The following ERC2 variants were observed in gnomAD, a reference collection of about 807,000 sequenced individuals.
The protein encoded by ERC2 is ERC protein 2.
ERC2 carries 42 observed loss-of-function variants against 114.8 expected under a neutral mutation model. The ratio of observed to expected loss-of-function variants is 0.37; its 90% confidence interval spans 0.29 to 0.47. ERC2 has a LOEUF of 0.47. ERC2 is among the 20% of genes least tolerant of loss of function. The pLI is 0.99. For synonymous variants in ERC2, 454 were observed against 425.5 expected (o/e 1.07, Z -0.82); for missense variants, 939 against 1,150.7 (o/e 0.82, Z 2.66).
chr3:56,359,054 A>G (rs1401185338), intron 2 of ERC2, among the ~76,000 whole-genome samples: 2 of 152,228 alleles, frequency 1.3e-5, no homozygotes, highest in Non-Finnish European at 2.9e-5. Flanking sequence ...ACAGAAATGT[A>G]TTTTAACATG....
intron 14 of ERC2, among the ~76,000 whole-genome samples, chr3:55,755,607 A>G (rs1026906307): frequency 2.0e-5 from 3 of 152,142 alleles, no homozygotes; most frequent in Non-Finnish European, 4.4e-5. Context: ...TTTATACTTC[A>G]GTTCTCAGGT....
chr3:55,576,081 TG>T (rs1253822927), intron 17 of ERC2, among the ~76,000 whole-genome samples: 2 of 151,996 alleles, frequency 1.3e-5, no homozygotes, highest in African/African-American at 4.8e-5. Context: ...GAGGCCGAGG[TG>T]GGTGGATCAC....
intron 2 of ERC2, among the ~76,000 whole-genome samples, chr3:56,335,558 A>G (rs955765413): frequency 5.9e-5 from 9 of 152,204 alleles, no homozygotes; most frequent in African/African-American, 2.2e-4. Context: ...ATGATCTATA[A>G]CCCATAAGAC....
chr3:55,517,523 T>C (rs2052614410), intron 17 of ERC2, among the ~76,000 whole-genome samples: 1 of 151,606 alleles, frequency 6.6e-6, no homozygotes, highest in African/African-American at 2.4e-5. Flanking sequence ...TTTGCTGCCA[T>C]AATAGAACCA....
intron 2 of ERC2, among the ~76,000 whole-genome samples, chr3:56,431,864 T>C (rs2061807376): frequency 6.6e-6 from 1 of 152,228 alleles, no homozygotes; most frequent in Non-Finnish European, 1.5e-5. Flanking sequence ...CTGAGTCATA[T>C]GTCACACAGT....
At chr3:55,883,883 G>A (rs376384252) in intron 14 of ERC2, among the ~76,000 whole-genome samples, 42 of 140,300 alleles carry the variant, frequency 3.0e-4, no homozygotes, top group Admixed American at 2.4e-3. Context: ...GTGAGGCTCC[G>A]TCTCAAAACA....
In ERC2 at chr3:55,914,961, T is replaced by G. The variant is rs185718953; in HGVS notation, c.2404-26412A>C. On this transcript the variant is annotated intron_variant, in intron 13 of 17. Transcript: ENST00000288221. ...CAAACAATTAAGATAGAACCAAAGATTTTAAAAATAATCTAATTTTGAAGC... is the reference window on the plus strand; with the variant it reads ...CAAACAATTAAGATAGAACCAAAGAGTTTAAAAATAATCTAATTTTGAAGC... Among the ~76,000 whole-genome samples the G allele has an allele frequency of 2.0e-3, 310 of 152,280 alleles. 3 individuals are homozygous for G. The highest frequency in any genetic ancestry group is 0.017 in the South Asian group (83 of 4,822).
intron 17 of ERC2, among the ~76,000 whole-genome samples, chr3:55,586,306 C>T (rs2057598435): frequency 6.6e-6 from 1 of 152,240 alleles, no homozygotes; most frequent in Admixed American, 6.5e-5. Context: ...AGGCAGATCC[C>T]AGCCATGATG....
intron 14 of ERC2, among the ~76,000 whole-genome samples, chr3:55,746,466 T>C (rs2066311224): frequency 6.6e-6 from 1 of 152,088 alleles, no homozygotes; most frequent in Admixed American, 6.6e-5. Flanking sequence ...ACTCCCGACC[T>C]CAGGTGATCC....
At chr3:55,803,028 G>C (rs1266987950) in intron 14 of ERC2, among the ~76,000 whole-genome samples, 1 of 152,144 alleles carries the variant, frequency 6.6e-6, no homozygotes, top group Non-Finnish European at 1.5e-5. Context: ...CTTGACCTCT[G>C]AACTCCATTG....
At chr3:55,876,946 T>C (rs748072454) in intron 14 of ERC2, among the ~76,000 whole-genome samples, 37 of 152,238 alleles carry the variant, frequency 2.4e-4, no homozygotes, top group Non-Finnish European at 5.9e-5. Flanking sequence ...CCCAGGCCAC[T>C]ACAACCTCTA....
intron 5 of ERC2, among the ~76,000 whole-genome samples, chr3:56,139,911 T>G (rs946647344): frequency 1.3e-5 from 2 of 152,188 alleles, no homozygotes; most frequent in Non-Finnish European, 2.9e-5. Context: ...GTCAGCAGAC[T>G]GCCCTCCATC....
At chr3:56,429,487 A>G (rs2061704344) in intron 2 of ERC2, among the ~76,000 whole-genome samples, 1 of 152,196 alleles carries the variant, frequency 6.6e-6, no homozygotes, top group Non-Finnish European at 1.5e-5. Flanking sequence ...ACTCTCCTCC[A>G]ATTTAAGAAA....
intron 17 of ERC2, among the ~76,000 whole-genome samples, chr3:55,645,998 G>T (rs2060381252): frequency 6.6e-6 from 1 of 152,124 alleles, no homozygotes; most frequent in African/African-American, 2.4e-5. Flanking sequence ...GGTTAAATAA[G>T]CCCTTGAGAA....
At chr3:55,697,366 C>G (rs2062987099) in intron 16 of ERC2, among the ~76,000 whole-genome samples, 1 of 152,200 alleles carries the variant, frequency 6.6e-6, no homozygotes, top group Non-Finnish European at 1.5e-5. Context: ...ATCTTCCTAA[C>G]AGTAGCAGTG....
At chr3:55,998,869 A>G (rs1486748683) in intron 10 of ERC2, among the ~76,000 whole-genome samples, 2 of 152,198 alleles carry the variant, frequency 1.3e-5, no homozygotes. Flanking sequence ...GAGAAGAGAT[A>G]GGATTTCAAA....
At chr3:55,854,512 T>TG (rs2061707693) in intron 14 of ERC2, among the ~76,000 whole-genome samples, 1 of 152,212 alleles carries the variant, frequency 6.6e-6, no homozygotes. Flanking sequence ...ACCGCGGCTC[T>TG]GGGGCCTGCT....
At chr3:56,340,702 CT>C (rs1270994113) in intron 2 of ERC2, among the ~76,000 whole-genome samples, 1 of 152,100 alleles carries the variant, frequency 6.6e-6, no homozygotes, top group Non-Finnish European at 1.5e-5. Flanking sequence ...AACTCGTGCC[CT>C]GAGGACAACC....
At chr3:56,329,454 T>C (rs1030644590) in intron 2 of ERC2, among the ~76,000 whole-genome samples, 5 of 152,214 alleles carry the variant, frequency 3.3e-5, no homozygotes, top group African/African-American at 1.2e-4. Context: ...TGGTTCCTCC[T>C]GCAGGGAATT....
Sources: gnomAD v4.1 joint callset for allele counts (sites outside exome capture counted in the v4.1 genomes callset) on GRCh38, gnomAD v4.1.1 for gene constraint, MANE v1.5 for transcripts, NCBI Gene and HGNC (gene_info 2026-07-23, HGNC 2026-07-21) for gene names.